The following ZNF75D variants were observed in gnomAD, a reference collection of about 807,000 sequenced individuals.
ZNF75D encodes the protein zinc finger protein 75D.
In ZNF75D, 33 loss-of-function variants were observed where a neutral mutation model predicts 33.3. That is an observed-to-expected ratio of 0.99 (90% CI 0.75 to 1.32). The LOEUF (loss-of-function observed/expected upper bound fraction) is 1.32, where lower values mean the gene tolerates loss of function less well. Among genes scored for constraint, ZNF75D ranks in the 40% most tolerant of loss-of-function variants. The pLI, the probability that ZNF75D is intolerant of heterozygous loss-of-function variation, is 0.00. For synonymous variants in ZNF75D, 113 were observed against 130.6 expected, an observed-to-expected ratio of 0.87 and a Z score of 0.92; for missense variants, 338 against 367.5, an observed-to-expected ratio of 0.92 and a Z score of 0.66.
At chrX:135,273,374 C>A (rs1199444970) in intron 1 of ZNF75D, among the ~76,000 whole-genome samples, 3 of 111,323 alleles carry the variant, frequency 2.7e-5, no homozygotes, top group Non-Finnish European at 3.8e-5. Flanking sequence ...TTCAGGTAAC[C>A]TAAACCTTCT....
intron 1 of ZNF75D, among the ~76,000 whole-genome samples, chrX:135,264,187 C>A (rs782275406): frequency 4.5e-5 from 5 of 111,763 alleles, no homozygotes; most frequent in Admixed American, 3.8e-4. Flanking sequence ...GGGAAGCAAG[C>A]ACATGGTGGA....
At chrX:135,262,529 T>C (rs188698470) in intron 1 of ZNF75D, among the ~76,000 whole-genome samples, 1 of 112,177 alleles carries the variant, frequency 8.9e-6, no homozygotes, top group East Asian at 2.8e-4. Flanking sequence ...TCTTCTTGCT[T>C]TGTTTCATTA....
At chrX:135,316,419 C>T (rs1556431719) in intron 1 of ZNF75D, among the ~76,000 whole-genome samples, 1 of 111,184 alleles carries the variant, frequency 9.0e-6, no homozygotes, top group East Asian at 2.8e-4. Flanking sequence ...TAACTAGATG[C>T]TTTTTTAGAA....
At chrX:135,258,181 A>ATGTGCCACATTTTCTTC in intron 1 of ZNF75D, among the ~76,000 whole-genome samples, 1 of 95,705 alleles carries the variant, frequency 1.0e-5, no homozygotes, top group Non-Finnish European at 2.4e-5. Context: ...CATGGTGTAT[A>ATGTGCCACATTTTCTTC]ATCCAGTCTA....
At chrX:135,314,386 T>C (rs954392452) in intron 1 of ZNF75D, among the ~76,000 whole-genome samples, 1 of 111,992 alleles carries the variant, frequency 8.9e-6, no homozygotes, top group Non-Finnish European at 1.9e-5. Context: ...GCTGTTGAAT[T>C]CAGTTTGCTA....
intron 1 of ZNF75D, among the ~76,000 whole-genome samples, chrX:135,258,759 G>T (rs1463676464): frequency 8.9e-6 from 1 of 112,043 alleles, no homozygotes; most frequent in Non-Finnish European, 1.9e-5. Context: ...TGTTCACTCT[G>T]ATGGTAGTTT....
At chrX:135,258,403 C>G (rs1160331486) in intron 1 of ZNF75D, among the ~76,000 whole-genome samples, 1 of 110,912 alleles carries the variant, frequency 9.0e-6, no homozygotes, top group Non-Finnish European at 1.9e-5. Flanking sequence ...CCAATTTACA[C>G]TCCCATCAAC....
intron 1 of ZNF75D, among the ~76,000 whole-genome samples, chrX:135,260,933 T>C (rs1342941121): frequency 8.9e-6 from 1 of 112,474 alleles, no homozygotes; most frequent in Non-Finnish European, 1.9e-5. Context: ...TGTGGGCATT[T>C]AGTGCTATAA....
rs782496494 is a variant in ZNF75D at position 135,286,108 on chromosome X, C to T, written c.*1029G>A. 7.1e-5 allele frequency: 8 copies of T among 112,382 alleles called. No individual in the cohort carries two copies. Among genetic ancestry groups the T allele is most frequent in the South Asian group, 7.4e-4 (2 of 2,688 alleles). The allele number at this position is 112,382 out of a possible 1,213,427, so 9.3% of individuals were successfully genotyped here. On this transcript the variant is annotated 3_prime_UTR_variant, in exon 7 of 7. Coordinates refer to ENST00000370766, the MANE Select transcript of ZNF75D (RefSeq NM_007131.5). ...TATGCCTTACTTTTCTCTGACACTT[C>T]AGGATGTTCCCTCCTGGTATCAGCT... is the stretch of plus-strand genomic sequence containing the variant.
In ZNF75D at chrX:135,286,070, T is replaced by C. The variant is rs1164679370; in HGVS notation, c.*1067A>G. 8.9e-6 allele frequency: 1 copy of C among 112,308 alleles called. No individual in the cohort carries two copies. Among genetic ancestry groups the C allele is most frequent in the Admixed American group, 9.4e-5 (1 of 10,642 alleles). The allele number at this position is 112,308 out of a possible 1,213,427, so 9.3% of individuals were successfully genotyped here. On this transcript the variant is annotated 3_prime_UTR_variant, in exon 7 of 7. Coordinates refer to ENST00000370766, the MANE Select transcript of ZNF75D (RefSeq NM_007131.5). Reference sequence around the variant, plus strand: ...TCTGGCCTGGCTCTGACTGGCATCATCACTGTGAGCCATATGCCTTACTTT... The same window carrying C: ...TCTGGCCTGGCTCTGACTGGCATCACCACTGTGAGCCATATGCCTTACTTT...
At chrX:135,329,172 A>G (rs1602657821) in intron 1 of ZNF75D, among the ~76,000 whole-genome samples, 2 of 112,715 alleles carry the variant, frequency 1.8e-5, no homozygotes, top group African/African-American at 6.5e-5. Flanking sequence ...TTACTTTTAT[A>G]TATGGCTCCA....
At chrX:135,312,428 G>A (rs781838170) in intron 1 of ZNF75D, among the ~76,000 whole-genome samples, 1 of 111,903 alleles carries the variant, frequency 8.9e-6, no homozygotes, top group Non-Finnish European at 1.9e-5. Context: ...CCATATCTTT[G>A]CTATTGTAAA....
rs2083947748 is a variant in ZNF75D, at chrX:135,286,127, A to G, written c.*1010T>C. The G allele has an allele frequency of 8.9e-6, 1 of 112,327 alleles. No homozygotes were observed. The highest frequency in any genetic ancestry group is 3.7e-4 in the South Asian group (1 of 2,694). The allele number at this position is 112,327 out of a possible 1,213,427, so 9.3% of individuals were successfully genotyped here. A position where few individuals can be genotyped will look rare whatever the true frequency, so the allele number is the denominator to read the frequency against. On this transcript the variant is annotated 3_prime_UTR_variant, in exon 7 of 7. Coordinates refer to ENST00000370766, the MANE Select transcript of ZNF75D (RefSeq NM_007131.5). ...ACACTTCAGGATGTTCCCTCCTGGT[A>G]TCAGCTGTGCACCAAAGCTAAAAGT...
At chrX:135,290,755 T>C (rs1310489391) in intron 6 of ZNF75D, among the ~76,000 whole-genome samples, 1 of 112,336 alleles carries the variant, frequency 8.9e-6, no homozygotes, top group Non-Finnish European at 1.9e-5. Flanking sequence ...GAGAAGGGTG[T>C]GTTTGGATGA....
At chrX:135,311,611 G>T (rs2084360000) in intron 1 of ZNF75D, among the ~76,000 whole-genome samples, 1 of 111,736 alleles carries the variant, frequency 8.9e-6, no homozygotes, top group African/African-American at 3.3e-5. Context: ...TTAGTTACTA[G>T]CTGTAGTTAA....
At chrX:135,256,355 A>G (rs1233680358) in intron 1 of ZNF75D, among the ~76,000 whole-genome samples, 1 of 105,220 alleles carries the variant, frequency 9.5e-6, no homozygotes, top group Non-Finnish European at 2.0e-5. Context: ...CCTTGAACTC[A>G]ATGCTGCCCT....
chrX:135,340,161 C>T (rs1389020465), intron 1 of ZNF75D, among the ~76,000 whole-genome samples: 3 of 112,267 alleles, frequency 2.7e-5, no homozygotes, highest in Middle Eastern at 9.2e-3. Flanking sequence ...TAGACTTTCC[C>T]AAGCTTTTTT....
At chrX:135,319,771 G>A (rs1344677210) in intron 1 of ZNF75D, among the ~76,000 whole-genome samples, 1 of 112,167 alleles carries the variant, frequency 8.9e-6, no homozygotes, top group Non-Finnish European at 1.9e-5. Context: ...ACCTGAAGTA[G>A]AACTTTTGTC....
chrX:135,297,834 A>G (rs781912771), intron 1 of ZNF75D: 3 of 112,055 alleles, frequency 2.7e-5, no homozygotes, highest in Non-Finnish European at 5.6e-5. Flanking sequence ...AGGCTTAACC[A>G]GTAAACATTT....
Sources: allele counts gnomAD v4.1 joint callset (sites outside exome capture counted in the v4.1 genomes callset), GRCh38; gene constraint gnomAD v4.1.1; transcripts MANE v1.5; gene names NCBI Gene and HGNC (gene_info 2026-07-23, HGNC 2026-07-21).